Variants in SF3A1 observed in about 807,000 individuals in gnomAD.
The protein encoded by SF3A1 is splicing factor 3a subunit 1, also known as SAP 114.
A neutral mutation model predicts 89.9 loss-of-function variants in SF3A1; 13 were observed. The observed-to-expected ratio is 0.14, with a 90% CI of 0.09 to 0.23. The LOEUF (loss-of-function observed/expected upper bound fraction) is 0.23. Ranked by LOEUF, SF3A1 falls within the 10% of genes least tolerant of loss-of-function variation. The probability of loss-of-function intolerance (pLI) is 1.00; values close to 1 mark genes in which losing one functional copy is unlikely to be tolerated. For missense variants in SF3A1, 604 were observed against 1,022.1 expected (o/e 0.59, Z 5.58); for synonymous variants, 405 against 374.4 (o/e 1.08, Z -0.94).
intron 9 of SF3A1, 23 bp downstream of exon 9, chr22:30,340,173 C>A (rs936073502): frequency 6.8e-7 from 1 of 1,472,796 alleles, no homozygotes. Context: ...CTACCATGGG[C>A]TCTCCTGGAA....
At chr22:30,342,171 C>CTAT (rs1298749639) in intron 6 of SF3A1, 29 bp downstream of exon 6, 1 of 1,613,542 alleles carries the variant, frequency 6.2e-7, no homozygotes, top group Non-Finnish European at 8.5e-7. Context: ...TCCTGGCTCC[C>CTAT]CATCTGGAGT....
At chr22:30,342,010 G>T in intron 6 of SF3A1, 125 bp from the exon 7 acceptor site, 2 of 1,183,994 alleles carry the variant, frequency 1.7e-6, no homozygotes, top group South Asian at 1.4e-5. Flanking sequence ...GCCCATCTAG[G>T]GTCTGGCAAG....
intron 12 of SF3A1, 96 bp from the exon 13 acceptor site, chr22:30,337,276 C>A (rs1931098425): frequency 8.2e-7 from 1 of 1,225,934 alleles, no homozygotes; most frequent in Middle Eastern, 2.8e-4. Context: ...CAAAGGTTTC[C>A]TCTAGTCAGA....
At chr22:30,340,874 C>T in intron 7 of SF3A1, 62 bp from the exon 8 acceptor site, 1 of 950,026 alleles carries the variant, frequency 1.1e-6, no homozygotes, top group Non-Finnish European at 1.6e-6. Flanking sequence ...TGTAGCTGAG[C>T]CTGGCAGGTC....
chr22:30,334,479 G>C lies in SF3A1; in HGVS notation c.*115C>G. Reference sequence around the variant, plus strand: ...CAATTTGAATTCCCAAACTGAGTAAGAGCGAAACAAATATGCAGGCAAGGC... The same window carrying C: ...CAATTTGAATTCCCAAACTGAGTAACAGCGAAACAAATATGCAGGCAAGGC... On this transcript the variant is annotated 3_prime_UTR_variant, in exon 16 of 16. Transcript: ENST00000215793. 4 of 646,686 alleles carry C rather than the reference G, an allele frequency of 6.2e-6. No homozygotes were observed. The South Asian group carries it at 8.4e-5, about 14-fold the overall frequency. The allele number at this position is 646,686 out of a possible 1,614,324, so 40.1% of individuals were successfully genotyped here. A position where few individuals can be genotyped will look rare whatever the true frequency, so the allele number is the denominator to read the frequency against.
At chr22:30,353,889 T>C (rs991176278) in intron 1 of SF3A1, among the ~76,000 whole-genome samples, 1 of 152,212 alleles carries the variant, frequency 6.6e-6, no homozygotes, top group African/African-American at 2.4e-5. Context: ...TGAGAAACCA[T>C]GTTCCAGAAT....
intron 12 of SF3A1, 145 bp from the exon 13 acceptor site, chr22:30,337,325 C>G: frequency 1.2e-6 from 1 of 819,422 alleles, no homozygotes; most frequent in Non-Finnish European, 1.9e-6. Context: ...TGGCAGCCAG[C>G]AGGTTCCCTG....
chr22:30,335,414 G>T, intron 15 of SF3A1, 53 bp downstream of exon 15: 1 of 1,469,696 alleles, frequency 6.8e-7, no homozygotes, highest in South Asian at 1.1e-5. Flanking sequence ...TAGCTTCTGT[G>T]AAAGCAGAGG....
chr22:30,342,407 G>A (rs1931288033), intron 5 of SF3A1, 57 bp from the exon 6 acceptor site: 2 of 1,535,172 alleles, frequency 1.3e-6, no homozygotes, highest in Non-Finnish European at 1.8e-6. Context: ...CTCCTGATGA[G>A]GCTACCACCT....
rs948079256 is a variant in SF3A1, at chr22:30,354,808, C to T, written c.64-1736G>A. On this transcript the variant is annotated intron_variant, in intron 1 of 15. Transcript: ENST00000215793. ...GCACAATGGCTTGCACCTATAATCC[C>T]GGTGACTCAGGAGGCTGAGGTAGGA... is the stretch of plus-strand genomic sequence containing the variant. Among the ~76,000 whole-genome samples the T allele has an allele frequency of 1.1e-4, 17 of 152,236 alleles. No homozygotes were observed. The East Asian group carries it at 1.4e-3, about 12-fold the overall frequency.
At position 30,334,668 on chromosome 22, in the gene SF3A1, G is replaced by A. The variant is rs775776650; in HGVS notation, c.2308C>T (p.Leu770=). 6.3e-7 allele frequency: 1 copy of A among 1,596,040 alleles called. No homozygotes were observed. Among genetic ancestry groups the A allele is most frequent in the Non-Finnish European group, 8.5e-7 (1 of 1,173,644 alleles). ...CCATTGGCCATGTTGTAGTAAGCCA[G>A]TGAGTTGGAATCTTTGATGAAGATA... The part of the protein sequence containing the change: ...EGIFIKDSNS[L]AYYNMANGAV... The change falls in exon 16 of 16, where the codon CTG becomes TTG. Residue 770 remains leucine, a synonymous_variant. Transcript: ENST00000215793.
At chr22:30,347,782 G>A (rs1020797723) in intron 2 of SF3A1, among the ~76,000 whole-genome samples, 15 of 152,210 alleles carry the variant, frequency 9.9e-5, no homozygotes, top group African/African-American at 3.6e-4. Flanking sequence ...ATTTCCCCAT[G>A]TGTAAAATGC....
intron 9 of SF3A1, among the ~76,000 whole-genome samples, 184 bp from the exon 10 acceptor site, chr22:30,339,435 T>C (rs1002145238): frequency 2.6e-5 from 4 of 152,112 alleles, no homozygotes; most frequent in African/African-American, 9.7e-5. Flanking sequence ...ATAAACCCAG[T>C]GCTTGGGCAA....
Position 30,352,967 on chromosome 22 carries a change from C to A in SF3A1, c.169G>T (p.Ala57Ser). The change falls in exon 2 of 16, where the codon GCC becomes TCC. Residue 57 changes from alanine (A) to serine (S), a missense_variant. Ala to Ser is a moderately conservative substitution (Grantham distance 99, BLOSUM62 1). Around this residue, in one of 9 missense-constraint regions of SF3A1, gnomAD observed 9 missense variants for 48.6 expected, o/e 0.19. Coordinates refer to ENST00000215793, the MANE Select transcript of SF3A1 (RefSeq NM_005877.6). Reference sequence around the variant, plus strand: ...CTCTGTTACCTGGCCACAAAGCTGGCAGTCTTGTCAACAATATTTCTGACC... The same window carrying A: ...CTCTGTTACCTGGCCACAAAGCTGGAAGTCTTGTCAACAATATTTCTGACC... ...PEVRNIVDKTASFVARNGPEF... is the reference protein window; with the variant it reads ...PEVRNIVDKTSSFVARNGPEF... 1 of 1,614,126 alleles carries A rather than the reference C, an allele frequency of 6.2e-7. No homozygotes were observed. The highest frequency in any genetic ancestry group is 8.5e-7 in the Non-Finnish European group (1 of 1,179,948).
At chr22:30,342,137 C>G in intron 6 of SF3A1, 63 bp downstream of exon 6, 1 of 1,583,284 alleles carries the variant, frequency 6.3e-7, no homozygotes, top group Non-Finnish European at 8.7e-7. Flanking sequence ...AACACCTGCA[C>G]CAGGTTTCCC....
chr22:30,350,828 C>T (rs1375911828), intron 2 of SF3A1, among the ~76,000 whole-genome samples: 1 of 152,200 alleles, frequency 6.6e-6, no homozygotes, highest in Admixed American at 6.5e-5. Flanking sequence ...GAGGCATGAA[C>T]ACTGCTAAGA....
chr22:30,346,391 T>C lies in SF3A1; in HGVS notation c.314A>G (p.Lys105Arg). 1 of 1,614,092 alleles carries C rather than the reference T, an allele frequency of 6.2e-7. No individual in the cohort carries two copies. The highest frequency in any genetic ancestry group is 1.3e-5 in the African/African-American group (1 of 75,012). ...GATGGCGGCGGACGGCTCCTGAGCC[T>C]TCCCTTCCTTGAACTCGCTGACCTT... is the stretch of plus-strand genomic sequence containing the variant. ...RHKVSEFKEG[K>R]AQEPSAAIPK... is the part of the protein sequence containing the mutation. Residue 105 changes from lysine to arginine, a missense_variant, in exon 3 of 16, where the codon AAG becomes AGG. Around this residue, in one of 9 missense-constraint regions of SF3A1, gnomAD observed 162 missense variants for 229.2 expected, o/e 0.71. Coordinates refer to ENST00000215793, the MANE Select transcript of SF3A1 (RefSeq NM_005877.6).
intron 2 of SF3A1, among the ~76,000 whole-genome samples, chr22:30,350,598 T>C (rs1274997407): frequency 6.6e-6 from 1 of 152,190 alleles, no homozygotes; most frequent in African/African-American, 2.4e-5. Flanking sequence ...CCACAGGGCA[T>C]TATGAAGACC....
intron 2 of SF3A1, among the ~76,000 whole-genome samples, chr22:30,350,663 T>C (rs550738083): frequency 4.6e-5 from 7 of 152,182 alleles, no homozygotes; most frequent in South Asian, 2.1e-4. Flanking sequence ...TTTACTAGTA[T>C]TACAAGGATC....
Sources: allele counts gnomAD v4.1 joint callset (sites outside exome capture counted in the v4.1 genomes callset), GRCh38; gene constraint gnomAD v4.1.1; regional missense constraint gnomAD v4.1.1; transcripts MANE v1.5; gene names NCBI Gene and HGNC (gene_info 2026-07-23, HGNC 2026-07-21).